Variants in FXN observed in about 807,000 individuals in gnomAD.
FXN encodes the protein frataxin, mitochondrial.
A neutral mutation model predicts 22.4 loss-of-function variants in FXN; 14 were observed. The ratio of observed to expected loss-of-function variants is 0.62; its 90% CI spans 0.41 to 0.98. The LOEUF (loss-of-function observed/expected upper bound fraction) is 0.98. Among genes scored for constraint, FXN ranks in the 50% least tolerant of loss-of-function variants. The probability of loss-of-function intolerance (pLI) is 0.00; values close to 1 mark genes in which losing one functional copy is unlikely to be tolerated. For missense variants in FXN, 267 were observed against 268.4 expected (o/e 0.99, Z 0.04); for synonymous variants, 120 against 114.1 (o/e 1.05, Z -0.33).
chr9:69,059,471 C>A (rs1399100209), intron 3 of FXN, among the ~76,000 whole-genome samples: 2 of 138,286 alleles, frequency 1.4e-5, no homozygotes, highest in African/African-American at 5.4e-5. Context: ...ACGATCTCAG[C>A]TCACTGCAAC....
In FXN at chr9:69,067,479, G is replaced by A. The variant is rs59605220; in HGVS notation, c.482+2444G>A. 3.9e-3 allele frequency among the ~76,000 whole-genome samples: 588 copies of A among 152,342 alleles called. 3 individuals are homozygous for A. The highest frequency in any genetic ancestry group is 0.013 in the African/African-American group (548 of 41,584). On this transcript the variant is annotated intron_variant, in intron 4 of 4. Transcript: ENST00000484259. ...AACCCCTGTAGAGGAGCAGGAGGTT[G>A]TGGACATGCTGTGGCCCGGACAGTG...
Position 69,072,545 on chromosome 9 carries a change from T to C in FXN, c.483-67T>C, listed in dbSNP as rs1434893563. ...CAGTCAATTTCTTGGGGGCAGCATT[T>C]GTGGAATCAGTGGTTCATCTGAAGG... On this transcript the variant is annotated intron_variant, in intron 4 of 4. Coordinates refer to ENST00000484259, the MANE Select transcript of FXN (RefSeq NM_000144.5). 1.9e-6 allele frequency: 3 copies of C among 1,611,096 alleles called. No homozygotes were observed. The African/African-American group carries it at 4.0e-5, about 21-fold the overall frequency.
chr9:69,060,909 A>G (rs1156605302), intron 3 of FXN, among the ~76,000 whole-genome samples: 1 of 152,222 alleles, frequency 6.6e-6, no homozygotes, highest in East Asian at 1.9e-4. Flanking sequence ...TGCTTAAAGT[A>G]GTGGAGGTCA....
At chr9:69,061,766 A>G (rs1282844609) in intron 3 of FXN, among the ~76,000 whole-genome samples, 1 of 150,584 alleles carries the variant, frequency 6.6e-6, no homozygotes, top group Non-Finnish European at 1.5e-5. Flanking sequence ...TATGAGTGAG[A>G]ATATGCAGTG....
intron 1 of FXN, among the ~76,000 whole-genome samples, chr9:69,044,914 C>G (rs193239271): frequency 8.8e-4 from 134 of 152,330 alleles, no homozygotes; most frequent in African/African-American, 3.1e-3. Context: ...CAGTCAGAGC[C>G]AAATCTTCTG....
Position 69,035,999 on chromosome 9 carries a change from C to A in FXN, c.165+52C>A, listed in dbSNP as rs114514927. On this transcript the variant is annotated intron_variant, in intron 1 of 4. Coordinates refer to ENST00000484259, the MANE Select transcript of FXN (RefSeq NM_000144.5). ...CGGGCCGCACGCCGCGGGCCGCACGCCGCACGCCTGCGCAGGGAGGCGCCG... is the reference window on the plus strand; with the variant it reads ...CGGGCCGCACGCCGCGGGCCGCACGACGCACGCCTGCGCAGGGAGGCGCCG... 1.3e-3 allele frequency: 1,693 copies of A among 1,308,496 alleles called. 21 individuals carry two copies. In the African/African-American group the frequency reaches 0.024, roughly 19 times the overall value. 81.1% of individuals were successfully genotyped at this position (1,308,496 alleles called of 1,614,324 possible). A position where few individuals can be genotyped will look rare whatever the true frequency, so the allele number is the denominator to read the frequency against.
chr9:69,077,650 C>A lies in FXN; in HGVS notation c.*4888C>A, dbSNP rs1490887660. ...TGACCTCAAATTGTTTAGCTCCTGG[C>A]CAGACACGGTGGCTCACACCTGTAA... On this transcript the variant is annotated 3_prime_UTR_variant, in exon 5 of 5. Transcript: ENST00000484259. 3 of 985,228 alleles carry A rather than the reference C, an allele frequency of 3.0e-6. No homozygotes were observed. Among genetic ancestry groups the A allele is most frequent in the Middle Eastern group, 5.2e-4 (1 of 1,938 alleles). The allele number at this position is 985,228 out of a possible 1,614,324, so 61.0% of individuals were successfully genotyped here. A position where few individuals can be genotyped will look rare whatever the true frequency, so the allele number is the denominator to read the frequency against.
At chr9:69,068,505 C>T (rs140635956) in intron 4 of FXN, among the ~76,000 whole-genome samples, 40 of 152,296 alleles carry the variant, frequency 2.6e-4, no homozygotes, top group African/African-American at 9.4e-4. Flanking sequence ...GCAGAGCCCT[C>T]GGGAGCCACA....
In FXN at chr9:69,075,806, T is replaced by G; in HGVS notation, c.*3044T>G. ...AGGACAGTGGTACAATCAAAGCTCA[T>G]GGCAGCCTCGACCTCCCTGGGCTTG... On this transcript the variant is annotated 3_prime_UTR_variant, in exon 5 of 5. Transcript: ENST00000484259. 3.8e-6 allele frequency: 3 copies of G among 786,082 alleles called. No homozygotes were observed. The highest frequency in any genetic ancestry group is 3.1e-6 in the Non-Finnish European group (2 of 648,510). 48.7% of individuals were successfully genotyped at this position (786,082 alleles called of 1,614,324 possible). A position where few individuals can be genotyped will look rare whatever the true frequency, so the allele number is the denominator to read the frequency against.
rs562565128 is a variant in FXN, at chr9:69,074,403, G to A, written c.*1641G>A. 29 of 983,378 alleles carry A rather than the reference G, an allele frequency of 2.9e-5. No individual in the cohort carries two copies. The highest frequency in any genetic ancestry group is 3.3e-5 in the Non-Finnish European group (27 of 828,556). The allele number at this position is 983,378 out of a possible 1,614,324, so 60.9% of individuals were successfully genotyped here. On this transcript the variant is annotated 3_prime_UTR_variant, in exon 5 of 5. Coordinates refer to ENST00000484259, the MANE Select transcript of FXN (RefSeq NM_000144.5). Reference sequence around the variant, plus strand: ...TTTATTAGTGGCTGGGCATGGTGGCGTGCACCTGTAATCCCAGGTACTCAG... The same window carrying A: ...TTTATTAGTGGCTGGGCATGGTGGCATGCACCTGTAATCCCAGGTACTCAG...
At position 69,068,258 on chromosome 9, in the gene FXN, G is replaced by A. The variant is rs145061292; in HGVS notation, c.482+3223G>A. On this transcript the variant is annotated intron_variant, in intron 4 of 4. Coordinates refer to ENST00000484259, the MANE Select transcript of FXN (RefSeq NM_000144.5). The stretch of plus-strand genomic sequence containing the variant: ...GAGCCTGGAGTGGCCTGTGCTAAGG[G>A]GCTACTATGAGCTCTTTCCACTCCC... 3.7e-3 allele frequency among the ~76,000 whole-genome samples: 562 copies of A among 152,234 alleles called. 3 individuals carry two copies. Among genetic ancestry groups the A allele is most frequent in the African/African-American group, 0.012 (506 of 41,538 alleles).
intron 1 of FXN, among the ~76,000 whole-genome samples, chr9:69,039,934 G>T (rs1017939803): frequency 6.6e-6 from 1 of 152,158 alleles, no homozygotes; most frequent in Non-Finnish European, 1.5e-5. Context: ...GGGGCTGAGT[G>T]TGCTACCTCA....
chr9:69,046,798 A>G (rs1048506846), intron 2 of FXN, among the ~76,000 whole-genome samples: 3 of 152,078 alleles, frequency 2.0e-5, no homozygotes, highest in Non-Finnish European at 4.4e-5. Flanking sequence ...CAAACCAATA[A>G]CGTTTGTGTC....
chr9:69,053,471 A>ATGGATGGATG (rs1587822034), intron 3 of FXN, among the ~76,000 whole-genome samples: 92 of 140,360 alleles, frequency 6.6e-4, no homozygotes, highest in African/African-American at 2.4e-3. Flanking sequence ...ACTCTGTCAT[A>ATGGATGGATG]GATGGATGGA....
chr9:69,037,938 C>T (rs1010923060), intron 1 of FXN, among the ~76,000 whole-genome samples: 2 of 152,224 alleles, frequency 1.3e-5, no homozygotes, highest in African/African-American at 4.8e-5. Flanking sequence ...AGGCGTGAGC[C>T]ACCGCGTCTG....
intron 3 of FXN, among the ~76,000 whole-genome samples, chr9:69,056,204 G>A (rs959777046): frequency 6.6e-6 from 1 of 152,140 alleles, no homozygotes; most frequent in Admixed American, 6.6e-5. Context: ...TAGAAAGGAG[G>A]ACTATTTCTA....
intron 2 of FXN, among the ~76,000 whole-genome samples, chr9:69,049,058 C>T (rs1262923598): frequency 6.6e-6 from 1 of 152,180 alleles, no homozygotes; most frequent in Non-Finnish European, 1.5e-5. Flanking sequence ...TGGGAGGTTG[C>T]ATAGGGCCCT....
rs1336727208 is a variant in FXN at position 69,077,756 on chromosome 9, C to A, written c.*4994C>A. The stretch of plus-strand genomic sequence containing the variant: ...GCCAGCCTGGTCAACATGGTAAAAC[C>A]CCGCCTCTACTAAAAATACAAAAAT... On this transcript the variant is annotated 3_prime_UTR_variant, in exon 5 of 5. Coordinates refer to ENST00000484259, the MANE Select transcript of FXN (RefSeq NM_000144.5). 1.8e-5 allele frequency: 12 copies of A among 680,728 alleles called. No individual in the cohort carries two copies. The highest frequency in any genetic ancestry group is 2.0e-5 in the Non-Finnish European group (11 of 551,950). The allele number at this position is 680,728 out of a possible 1,614,324, so 42.2% of individuals were successfully genotyped here.
intron 3 of FXN, among the ~76,000 whole-genome samples, chr9:69,058,669 A>G (rs963719405): frequency 3.3e-5 from 5 of 152,170 alleles, no homozygotes; most frequent in African/African-American, 9.6e-5. Flanking sequence ...TAAATCGGGA[A>G]GGCTGCAACC....
Sources: gnomAD v4.1 joint callset for allele counts (sites outside exome capture counted in the v4.1 genomes callset) on GRCh38, gnomAD v4.1.1 for gene constraint, MANE v1.5 for transcripts, NCBI Gene and HGNC (gene_info 2026-07-23, HGNC 2026-07-21) for gene names.